Variants in RPS6KC1 observed in about 807,000 individuals in gnomAD.
The protein encoded by RPS6KC1 is ribosomal protein S6 kinase C1.
A neutral mutation model predicts 103.8 loss-of-function variants in RPS6KC1; 54 were observed. The observed-to-expected ratio is 0.52, with a 90% CI of 0.42 to 0.65. The LOEUF (loss-of-function observed/expected upper bound fraction) is 0.65. Ranked by LOEUF, RPS6KC1 falls within the 30% of genes least tolerant of loss-of-function variation. RPS6KC1 has a pLI of 0.00. For missense variants in RPS6KC1, 1,151 were observed against 1,253.8 expected (o/e 0.92, Z 1.24); for synonymous variants, 439 against 438.7 (o/e 1.00, Z -0.01).
chr1:213,601,493 T>C, the RPS6KC1 span, among the ~76,000 whole-genome samples: 1 of 149,228 alleles, frequency 6.7e-6, no homozygotes, highest in African/African-American at 2.4e-5. Context: ...ATAGAAAATA[T>C]ATATTTATAT....
At chr1:213,479,765 T>C in the RPS6KC1 span, among the ~76,000 whole-genome samples, 3 of 151,970 alleles carry the variant, frequency 2.0e-5, no homozygotes, top group Non-Finnish European at 1.5e-5. Flanking sequence ...AGAAATTTGT[T>C]TCTTTACATT....
chr1:213,269,838 A>G (rs756668561), intron 14 of RPS6KC1, among the ~76,000 whole-genome samples: 3 of 151,788 alleles, frequency 2.0e-5, no homozygotes, highest in East Asian at 3.9e-4. Context: ...TCACTTGAGT[A>G]CAGGAGTTCA....
intron 10 of RPS6KC1, among the ~76,000 whole-genome samples, chr1:213,240,071 T>G (rs565629008): frequency 6.6e-6 from 1 of 152,330 alleles, no homozygotes; most frequent in East Asian, 1.9e-4. Flanking sequence ...GTAGCTTGCT[T>G]TATTAATGGT....
At chr1:213,173,717 T>A (rs1426650781) in intron 7 of RPS6KC1, among the ~76,000 whole-genome samples, 2 of 152,258 alleles carry the variant, frequency 1.3e-5, no homozygotes, top group African/African-American at 2.4e-5. Context: ...GAGTGTTTTA[T>A]TGTTATTTAA....
At chr1:213,444,770 AAAG>A in the RPS6KC1 span, among the ~76,000 whole-genome samples, 1 of 151,610 alleles carries the variant, frequency 6.6e-6, no homozygotes, top group Admixed American at 6.6e-5. Flanking sequence ...AAAGGAAAGA[AAAG>A]AAAAAAGAAC....
chr1:213,745,544 C>G, the RPS6KC1 span, among the ~76,000 whole-genome samples: 1 of 152,024 alleles, frequency 6.6e-6, no homozygotes, highest in African/African-American at 2.4e-5. Flanking sequence ...TTTCAAACAC[C>G]GGCATTGATC....
intron 8 of RPS6KC1, among the ~76,000 whole-genome samples, chr1:213,188,746 T>C (rs2092636411): frequency 6.6e-6 from 1 of 152,098 alleles, no homozygotes. Flanking sequence ...TGGAGAAACA[T>C]ATTTATTAGC....
the RPS6KC1 span, among the ~76,000 whole-genome samples, chr1:213,496,861 C>T: frequency 2.0e-5 from 3 of 152,196 alleles, no homozygotes; most frequent in Admixed American, 2.0e-4. Flanking sequence ...GTGCAATGAC[C>T]TTGTATCAGT....
chr1:213,775,919 A>G, the RPS6KC1 span, among the ~76,000 whole-genome samples: 3 of 152,230 alleles, frequency 2.0e-5, no homozygotes, highest in East Asian at 1.9e-4. Context: ...TGTTCACAGC[A>G]TCTTCACCAG....
chr1:213,409,739 G>A, the RPS6KC1 span, among the ~76,000 whole-genome samples: 2 of 152,334 alleles, frequency 1.3e-5, no homozygotes, highest in African/African-American at 4.8e-5. Context: ...CTGTGTAACA[G>A]GGCTGGATCT....
chr1:213,859,293 C>A, the RPS6KC1 span, among the ~76,000 whole-genome samples: 2 of 152,058 alleles, frequency 1.3e-5, no homozygotes, highest in South Asian at 4.1e-4. Context: ...ATCTGAACAC[C>A]CTCCCCTCGC....
At chr1:213,302,119 T>C in the RPS6KC1 span, among the ~76,000 whole-genome samples, 1 of 152,236 alleles carries the variant, frequency 6.6e-6, no homozygotes, top group Non-Finnish European at 1.5e-5. Context: ...ATTCTACTTA[T>C]AGAGAAGCCT....
the RPS6KC1 span, among the ~76,000 whole-genome samples, chr1:213,786,027 A>G: frequency 6.6e-6 from 1 of 152,270 alleles, no homozygotes; most frequent in Non-Finnish European, 1.5e-5. Context: ...TTGAGCCAGG[A>G]AAAATGTTTC....
chr1:213,418,919 G>A, the RPS6KC1 span, among the ~76,000 whole-genome samples: 100 of 152,318 alleles, frequency 6.6e-4, 3 homozygotes, highest in South Asian at 9.9e-3. Context: ...CCGGCTCACC[G>A]GGGTCTCCTG....
the RPS6KC1 span, among the ~76,000 whole-genome samples, chr1:213,287,992 C>G: frequency 6.6e-6 from 1 of 152,108 alleles, no homozygotes; most frequent in African/African-American, 2.4e-5. Flanking sequence ...GCTAAATGAA[C>G]CAGAGTGCTC....
chr1:213,400,300 A>G, the RPS6KC1 span, among the ~76,000 whole-genome samples: 1 of 152,158 alleles, frequency 6.6e-6, no homozygotes, highest in East Asian at 1.9e-4. Flanking sequence ...GCTCGACCAT[A>G]AGAGAACAGG....
intron 3 of RPS6KC1, among the ~76,000 whole-genome samples, chr1:213,093,208 C>CTTTT (rs778283618): frequency 7.3e-6 from 1 of 136,224 alleles, no homozygotes; most frequent in Non-Finnish European, 1.6e-5. Flanking sequence ...TAATAATCTA[C>CTTTT]TTTTTTTTTT....
the RPS6KC1 span, among the ~76,000 whole-genome samples, chr1:213,546,612 TA>T: frequency 2.6e-5 from 4 of 152,342 alleles, no homozygotes; most frequent in East Asian, 7.7e-4. Flanking sequence ...TTTAGAATTT[TA>T]TATGTTAGGA....
the RPS6KC1 span, among the ~76,000 whole-genome samples, chr1:213,386,838 A>T: frequency 1.3e-5 from 2 of 152,248 alleles, no homozygotes; most frequent in East Asian, 3.9e-4. Flanking sequence ...CTGGCTCTTA[A>T]TGACTGTGGA....
Sources: gnomAD v4.1 joint callset for allele counts (sites outside exome capture counted in the v4.1 genomes callset) on GRCh38, gnomAD v4.1.1 for gene constraint, MANE v1.5 for transcripts, NCBI Gene and HGNC (gene_info 2026-07-23, HGNC 2026-07-21) for gene names.